FREM1: variants seen among roughly 807,000 people sequenced by gnomAD.
FREM1 encodes FRAS1-related extracellular matrix protein 1.
A neutral mutation model predicts 210.1 loss-of-function variants in FREM1; 220 were observed. The ratio of observed to expected loss-of-function variants is 1.05; its 90% CI spans 0.94 to 1.17. FREM1 has a LOEUF of 1.17. Among genes scored for constraint, FREM1 ranks in the 50% most tolerant of loss-of-function variants. FREM1 has a pLI of 0.00. For synonymous variants in FREM1, 1,189 were observed against 980.2 expected, an observed-to-expected ratio of 1.21 and a Z score of -3.98; for missense variants, 3,454 against 2,675.5, an observed-to-expected ratio of 1.29 and a Z score of -6.42.
Position 14,863,901 on chromosome 9 carries a change from G to A in FREM1, c.237C>T (p.Val79=). ...CGTTGGGAAGGAAATGGCAGTCAAAGACCTAGTTCACATGAAGAATTGGAT... is the reference window on the plus strand; with the variant it reads ...CGTTGGGAAGGAAATGGCAGTCAAAAACCTAGTTCACATGAAGAATTGGAT... ...TQRVGKLTPQ[V]FDCHFLPNEV... Residue 79 remains valine (V), a splice_region_variant and synonymous_variant, in exon 3 of 37, where the codon GTC becomes GTT. Transcript: ENST00000380880. The A allele has an allele frequency of 6.3e-7, 1 of 1,592,092 alleles. No individual in the cohort carries two copies. The highest frequency in any genetic ancestry group is 8.6e-7 in the Non-Finnish European group (1 of 1,160,204).
rs866897863 is a variant in FREM1 at position 14,861,040 on chromosome 9, T to C, written c.330-1556A>G. On this transcript the variant is annotated intron_variant, in intron 3 of 36. Transcript: ENST00000380880. ...ATATACACATATATACATATATACA[T>C]ATATACATATATACATATATACACA... Among the ~76,000 whole-genome samples, 23 of 75,062 alleles carry C rather than the reference T, an allele frequency of 3.1e-4. 1 individual carries two copies. The highest frequency in any genetic ancestry group is 9.3e-4 in the African/African-American group (14 of 14,994). The allele number at this position is 75,062 out of a possible 152,430, so 49.2% of individuals were successfully genotyped here. A position where few individuals can be genotyped will look rare whatever the true frequency, so the allele number is the denominator to read the frequency against.
At chr9:14,860,533 G>GTATATATACACACA (rs1554706945) in intron 3 of FREM1, among the ~76,000 whole-genome samples, 1,728 of 77,908 alleles carry the variant, frequency 0.022, 64 homozygotes, top group Non-Finnish European at 0.028. Flanking sequence ...TAGTAGGTAT[G>GTATATATACACACA]TATATATATA....
intron 27 of FREM1, among the ~76,000 whole-genome samples, chr9:14,760,179 G>C (rs960706050): frequency 6.6e-6 from 1 of 152,196 alleles, no homozygotes; most frequent in Non-Finnish European, 1.5e-5. Flanking sequence ...ATGTCTCCCA[G>C]ATATTTACAA....
intron 22 of FREM1, among the ~76,000 whole-genome samples, chr9:14,792,205 A>G (rs1386986075): frequency 6.6e-6 from 1 of 151,784 alleles, no homozygotes; most frequent in Non-Finnish European, 1.5e-5. Context: ...TGAAAAAATA[A>G]TGAAAGTTTT....
chr9:14,855,179 T>G (rs539374690), intron 5 of FREM1, among the ~76,000 whole-genome samples: 1 of 152,192 alleles, frequency 6.6e-6, no homozygotes, highest in Admixed American at 6.5e-5. Flanking sequence ...ATGTTTAGAA[T>G]AATATGAGAC....
At chr9:14,860,800 C>CGT (rs1829919864) in intron 3 of FREM1, among the ~76,000 whole-genome samples, 10 of 77,132 alleles carry the variant, frequency 1.3e-4, no homozygotes, top group South Asian at 3.5e-4. Context: ...CATATATACA[C>CGT]ATATATACAT....
intron 3 of FREM1, among the ~76,000 whole-genome samples, chr9:14,860,920 C>T (rs1399481609): frequency 2.5e-5 from 2 of 79,766 alleles, no homozygotes; most frequent in Admixed American, 1.4e-4. Flanking sequence ...CACATATACA[C>T]ATATATACAC....
intron 30 of FREM1, 29 bp downstream of exon 30, chr9:14,750,098 T>C (rs1843092809): frequency 6.2e-7 from 1 of 1,611,540 alleles, no homozygotes; most frequent in Non-Finnish European, 8.5e-7. Context: ...GGACCGCTCC[T>C]GATTTCAAGA....
intron 15 of FREM1, among the ~76,000 whole-genome samples, chr9:14,815,296 C>T (rs1045980706): frequency 3.3e-5 from 5 of 152,180 alleles, no homozygotes; most frequent in African/African-American, 9.6e-5. Context: ...AGTCATTGAA[C>T]CTTCTTGTAC....
chr9:14,747,161 A>G (rs1842616301), intron 33 of FREM1, 103 bp downstream of exon 33: 1 of 1,576,142 alleles, frequency 6.3e-7, no homozygotes, highest in East Asian at 2.2e-5. Flanking sequence ...TGTTGGGTAA[A>G]CTATCCCCCC....
rs530563363 is a variant in FREM1 at position 14,794,080 on chromosome 9, T to C, written c.3840-1196A>G. Among the ~76,000 whole-genome samples, 5 of 152,308 alleles carry C rather than the reference T, an allele frequency of 3.3e-5. No homozygotes were observed. The East Asian group carries it at 5.8e-4, about 18-fold the overall frequency. On this transcript the variant is annotated intron_variant, in intron 21 of 36. Coordinates refer to ENST00000380880, the MANE Select transcript of FREM1 (RefSeq NM_001379081.2). ...AATTAAATTTCTGGTCAGAATGAAATGTTTGCAATTCAGTGTCAGAATTCA... is the reference window on the plus strand; with the variant it reads ...AATTAAATTTCTGGTCAGAATGAAACGTTTGCAATTCAGTGTCAGAATTCA...
At chr9:14,773,425 A>G (rs1186424543) in intron 25 of FREM1, among the ~76,000 whole-genome samples, 1 of 152,196 alleles carries the variant, frequency 6.6e-6, no homozygotes, top group Non-Finnish European at 1.5e-5. Context: ...ATCAACATCC[A>G]TATTGTCTTG....
chr9:14,879,355 T>C (rs560035155), intron 1 of FREM1, among the ~76,000 whole-genome samples: 4 of 152,192 alleles, frequency 2.6e-5, no homozygotes, highest in African/African-American at 9.6e-5. Flanking sequence ...TGCCACACCA[T>C]GAGACTTCCT....
intron 1 of FREM1, among the ~76,000 whole-genome samples, chr9:14,891,585 G>C (rs1334346470): frequency 6.6e-6 from 1 of 152,172 alleles, no homozygotes; most frequent in Non-Finnish European, 1.5e-5. Flanking sequence ...AAACAGCAAG[G>C]GTGGTAAGTG....
intron 35 of FREM1, 135 bp downstream of exon 35, chr9:14,746,218 G>A (rs1048882774): frequency 3.3e-6 from 2 of 606,146 alleles, no homozygotes; most frequent in Non-Finnish European, 5.8e-6. Flanking sequence ...CTCCCTCAGG[G>A]CTCCTAAAAC....
chr9:14,779,952 G>A (rs1360490999), intron 24 of FREM1, among the ~76,000 whole-genome samples: 1 of 152,096 alleles, frequency 6.6e-6, no homozygotes, highest in Non-Finnish European at 1.5e-5. Flanking sequence ...TCAGAGAGAG[G>A]GACAGAATGA....
At chr9:14,821,517 G>T (rs2642411) in intron 13 of FREM1, among the ~76,000 whole-genome samples, 1 of 152,068 alleles carries the variant, frequency 6.6e-6, no homozygotes, top group Non-Finnish European at 1.5e-5. Flanking sequence ...CTCATACATA[G>T]AAAAGAATGG....
At chr9:14,857,311 A>T (rs1828942637) in intron 5 of FREM1, among the ~76,000 whole-genome samples, 1 of 152,166 alleles carries the variant, frequency 6.6e-6, no homozygotes, top group Non-Finnish European at 1.5e-5. Flanking sequence ...AGTCCTTCCC[A>T]AGTTGCTGTA....
rs1197598471 is a variant in FREM1, at chr9:14,861,265, A to C, written c.330-1781T>G. Among the ~76,000 whole-genome samples, 2 of 88,998 alleles carry C rather than the reference A, an allele frequency of 2.2e-5. 1 individual carries two copies. Among genetic ancestry groups the C allele is most frequent in the East Asian group, 1.1e-3 (2 of 1,874 alleles). The allele number at this position is 88,998 out of a possible 152,430, so 58.4% of individuals were successfully genotyped here. On this transcript the variant is annotated intron_variant, in intron 3 of 36. Transcript: ENST00000380880. ...CACACATATATACATATATACACAT[A>C]TACACATATATACATATATACATAT...
Sources: allele counts gnomAD v4.1 joint callset (sites outside exome capture counted in the v4.1 genomes callset), GRCh38; gene constraint gnomAD v4.1.1; transcripts MANE v1.5; gene names NCBI Gene and HGNC (gene_info 2026-07-23, HGNC 2026-07-21).